Variants in SGCD observed in about 807,000 individuals in gnomAD.
SGCD encodes delta-sarcoglycan.
SGCD carries 18 observed loss-of-function variants against 36.6 expected under a neutral mutation model. The ratio of observed to expected loss-of-function variants is 0.49; its 90% CI spans 0.34 to 0.73. SGCD has a LOEUF of 0.73. Among genes scored for constraint, SGCD ranks in the 30% least tolerant of loss-of-function variants. The pLI is 0.01. For missense variants in SGCD, 387 were observed against 346.7 expected (o/e 1.12, Z -0.92); for synonymous variants, 133 against 130.6 (o/e 1.02, Z -0.12).
the SGCD span, among the ~76,000 whole-genome samples, chr5:155,823,957 G>C: frequency 2.0e-5 from 3 of 152,148 alleles, no homozygotes; most frequent in Non-Finnish European, 4.4e-5. Flanking sequence ...AAACTCATAG[G>C]GGGAAGGAAA....
intron 3 of SGCD, among the ~76,000 whole-genome samples, chr5:156,175,547 A>C (rs904504142): frequency 6.6e-6 from 1 of 152,206 alleles, no homozygotes; most frequent in African/African-American, 2.4e-5. Context: ...CTTGCAAAGA[A>C]TATTATGCAA....
intron 3 of SGCD, among the ~76,000 whole-genome samples, chr5:156,418,919 G>A (rs560127134): frequency 6.6e-5 from 10 of 152,236 alleles, no homozygotes; most frequent in African/African-American, 1.4e-4. Context: ...GAAATCCAGC[G>A]TTGAATTTTA....
intron 3 of SGCD, among the ~76,000 whole-genome samples, chr5:156,187,025 C>A (rs1046246583): frequency 6.6e-6 from 1 of 151,910 alleles, no homozygotes; most frequent in African/African-American, 2.4e-5. Context: ...CCTCTAGAAG[C>A]AATGAACATA....
At chr5:156,434,204 C>T (rs1323822891) in intron 3 of SGCD, among the ~76,000 whole-genome samples, 2 of 152,194 alleles carry the variant, frequency 1.3e-5, no homozygotes, top group African/African-American at 2.4e-5. Flanking sequence ...GTGACATCTT[C>T]TGAATGCTGT....
intron 3 of SGCD, among the ~76,000 whole-genome samples, chr5:156,221,147 A>T (rs534026924): frequency 5.9e-5 from 9 of 152,278 alleles, no homozygotes; most frequent in African/African-American, 1.9e-4. Flanking sequence ...GGAATAGTAC[A>T]GACTGGATAA....
rs545556244 is a variant in SGCD at position 156,739,348 on chromosome 5, C to T, written c.576-18233C>T. On this transcript the variant is annotated intron_variant, in intron 7 of 8. Transcript: ENST00000337851. ...TCAATTCAAACAAATATTTCCTGCA[C>T]GCCTTGATGCTGGGCATAAACCAAG... Among the ~76,000 whole-genome samples, 28 of 152,248 alleles carry T rather than the reference C, an allele frequency of 1.8e-4. 1 individual carries two copies. The highest frequency in any genetic ancestry group is 6.2e-4 in the South Asian group (3 of 4,818).
At chr5:156,486,437 T>C (rs116242896) in intron 3 of SGCD, among the ~76,000 whole-genome samples, 30 of 152,280 alleles carry the variant, frequency 2.0e-4, no homozygotes, top group African/African-American at 7.2e-4. Flanking sequence ...GTTGTGCACC[T>C]GTACATGCCT....
chr5:156,125,305 G>T (rs796169914), intron 3 of SGCD, among the ~76,000 whole-genome samples: 57 of 152,266 alleles, frequency 3.7e-4, no homozygotes, highest in African/African-American at 1.3e-3. Context: ...CAGATAGAAG[G>T]GTGGAGCTGT....
intron 3 of SGCD, among the ~76,000 whole-genome samples, chr5:156,432,079 C>T (rs1327412435): frequency 1.3e-5 from 2 of 152,136 alleles, no homozygotes; most frequent in East Asian, 1.9e-4. Context: ...GGCTCTGGGC[C>T]GGTACTGGGG....
At chr5:156,195,349 G>T (rs908018871) in intron 3 of SGCD, among the ~76,000 whole-genome samples, 1 of 152,158 alleles carries the variant, frequency 6.6e-6, no homozygotes, top group Non-Finnish European at 1.5e-5. Context: ...AGAAATTAGT[G>T]TAAATGAGAA....
At chr5:155,736,189 A>T in the SGCD span, among the ~76,000 whole-genome samples, 1 of 152,222 alleles carries the variant, frequency 6.6e-6, no homozygotes, top group African/African-American at 2.4e-5. Flanking sequence ...GACACAGATC[A>T]TCGGTGTAAT....
Position 156,163,972 on chromosome 5 carries a change from G to A in SGCD, c.-44+39953G>A, listed in dbSNP as rs372535338. On this transcript the variant is annotated intron_variant, in intron 3 of 9. Coordinates refer to the SGCD transcript ENST00000517913. Reference sequence around the variant, plus strand: ...CAGGAGGTGGAGCTTGCAGTGAGCCGAGATCATGCCACTGCACTCCAGCCT... The same window carrying A: ...CAGGAGGTGGAGCTTGCAGTGAGCCAAGATCATGCCACTGCACTCCAGCCT... Among the ~76,000 whole-genome samples the A allele has an allele frequency of 6.8e-4, 100 of 146,426 alleles. 1 individual carries two copies. In the East Asian group the frequency reaches 0.013, roughly 20 times the overall value.
chr5:156,196,115 T>C (rs995700374), intron 3 of SGCD, among the ~76,000 whole-genome samples: 6 of 152,108 alleles, frequency 3.9e-5, no homozygotes, highest in East Asian at 1.9e-4. Flanking sequence ...CATCCCTTTA[T>C]TTTCCCAGAC....
At chr5:156,478,838 C>A (rs773657765) in intron 3 of SGCD, among the ~76,000 whole-genome samples, 5 of 152,118 alleles carry the variant, frequency 3.3e-5, no homozygotes, top group Non-Finnish European at 7.4e-5. Flanking sequence ...ACCTTGGCCT[C>A]CCAAAGTGCT....
chr5:156,474,446 T>A lies in SGCD; in HGVS notation c.193-34155T>A, dbSNP rs188450621. 2.6e-5 allele frequency among the ~76,000 whole-genome samples: 4 copies of A among 152,306 alleles called. No individual in the cohort carries two copies. The East Asian group carries it at 7.7e-4, about 29-fold the overall frequency. ...CTCCTTTCCTGTAGGTAGCTTGTAC[T>A]GACTCCTTAGCGCTTCTATAGCAGC... is the stretch of plus-strand genomic sequence containing the variant. On this transcript the variant is annotated intron_variant, in intron 3 of 8. Coordinates refer to ENST00000337851, the MANE Select transcript of SGCD (RefSeq NM_000337.6).
At chr5:156,068,251 T>G (rs999884223) in intron 1 of SGCD, among the ~76,000 whole-genome samples, 15 of 151,944 alleles carry the variant, frequency 9.9e-5, no homozygotes, top group African/African-American at 3.1e-4. Context: ...CAGGTATGTC[T>G]CCTAAAGCTA....
At chr5:155,996,318 C>A (rs1261927562) in intron 1 of SGCD, among the ~76,000 whole-genome samples, 3 of 152,060 alleles carry the variant, frequency 2.0e-5, no homozygotes, top group Non-Finnish European at 2.9e-5. Context: ...TCTGCTGTTC[C>A]CCTCTTCATT....
chr5:156,455,276 T>C (rs1441827129), intron 3 of SGCD, among the ~76,000 whole-genome samples: 1 of 152,130 alleles, frequency 6.6e-6, no homozygotes, highest in Non-Finnish European at 1.5e-5. Flanking sequence ...CTGAAGGCAG[T>C]TGCAGTCAAG....
the SGCD span, among the ~76,000 whole-genome samples, chr5:155,729,085 A>C: frequency 6.6e-6 from 1 of 152,240 alleles, no homozygotes; most frequent in Non-Finnish European, 1.5e-5. Context: ...CCTTGCGCTT[A>C]ATCTGGCATT....
Sources: allele counts gnomAD v4.1 joint callset (sites outside exome capture counted in the v4.1 genomes callset), GRCh38; gene constraint gnomAD v4.1.1; transcripts MANE v1.5; gene names NCBI Gene and HGNC (gene_info 2026-07-23, HGNC 2026-07-21).